The following MAPK4 variants were observed in gnomAD, a reference collection of about 807,000 sequenced individuals.
MAPK4 encodes mitogen-activated protein kinase 4, also known as Erk3-related.
A neutral mutation model predicts 47.7 loss-of-function variants in MAPK4; 22 were observed. The ratio of observed to expected loss-of-function variants is 0.46; its 90% CI spans 0.33 to 0.66. The LOEUF is 0.66. MAPK4 is among the 30% of genes least tolerant of loss of function. The pLI, the probability that MAPK4 is intolerant of heterozygous loss-of-function variation, is 0.02. For synonymous variants in MAPK4, 390 were observed against 365.7 expected (o/e 1.07, Z -0.76); for missense variants, 736 against 831.7 (o/e 0.88, Z 1.42).
intron 1 of MAPK4, among the ~76,000 whole-genome samples, chr18:50,568,829 C>G (rs2042225221): frequency 6.6e-6 from 1 of 152,212 alleles, no homozygotes; most frequent in Non-Finnish European, 1.5e-5. Context: ...TCAGCTGTAT[C>G]TAATCTGTGG....
At chr18:50,696,791 A>T (rs1035735115) in intron 2 of MAPK4, among the ~76,000 whole-genome samples, 1 of 152,256 alleles carries the variant, frequency 6.6e-6, no homozygotes, top group African/African-American at 2.4e-5. Flanking sequence ...TGATGGCAGC[A>T]CACACCAACA....
Position 50,725,851 on chromosome 18 carries a change from A to G in MAPK4, c.854-111A>G, listed in dbSNP as rs536566968. 1.2e-5 allele frequency: 11 copies of G among 917,070 alleles called. 1 individual carries two copies. In the South Asian group the frequency reaches 1.6e-4, roughly 13 times the overall value. The allele number at this position is 917,070 out of a possible 1,614,324, so 56.8% of individuals were successfully genotyped here. ...AAAGAAAATGGCTAAAAACCTTTTA[A>G]CAAATGCAGAAGCACAGACACCAGC... On this transcript the variant is annotated intron_variant, in intron 4 of 5. Coordinates refer to ENST00000400384, the MANE Select transcript of MAPK4 (RefSeq NM_002747.4).
chr18:50,559,804 G>A (rs1172597414), upstream of MAPK4, among the ~76,000 whole-genome samples: 1 of 151,884 alleles, frequency 6.6e-6, no homozygotes, highest in Non-Finnish European at 1.5e-5. Context: ...CGTGTGCCCC[G>A]GGAAGGCCAG....
intron 2 of MAPK4, among the ~76,000 whole-genome samples, chr18:50,679,616 G>A (rs1353593344): frequency 6.6e-6 from 1 of 151,892 alleles, no homozygotes; most frequent in East Asian, 1.9e-4. Context: ...ACAGAGCTGG[G>A]ACAAGATCTG....
At chr18:50,599,443 C>CGG (rs1455927772) in intron 1 of MAPK4, among the ~76,000 whole-genome samples, 5 of 152,030 alleles carry the variant, frequency 3.3e-5, no homozygotes, top group African/African-American at 1.2e-4. Flanking sequence ...TATTTTGAGA[C>CGG]GGAGTCCCGC....
Position 50,721,790 on chromosome 18 carries a change from G to A in MAPK4, c.692-148G>A. On this transcript the variant is annotated intron_variant, in intron 3 of 5. Transcript: ENST00000400384. ...TCAGCCACCTGCCCACAGTTGAGCAGCAAATGAAGACCAGAACCCCGGTCC... is the reference window on the plus strand; with the variant it reads ...TCAGCCACCTGCCCACAGTTGAGCAACAAATGAAGACCAGAACCCCGGTCC... 13 of 683,920 alleles carry A rather than the reference G, an allele frequency of 1.9e-5. 1 individual carries two copies. In the South Asian group the frequency reaches 2.6e-4, roughly 14 times the overall value. The allele number at this position is 683,920 out of a possible 1,614,324, so 42.4% of individuals were successfully genotyped here.
chr18:50,632,227 G>A (rs148309784), intron 1 of MAPK4, among the ~76,000 whole-genome samples: 30 of 152,284 alleles, frequency 2.0e-4, no homozygotes, highest in Non-Finnish European at 4.0e-4. Flanking sequence ...CAAAAGCCAC[G>A]TATTTCTCTC....
At chr18:50,657,694 A>T (rs2043124876) in intron 1 of MAPK4, among the ~76,000 whole-genome samples, 1 of 151,144 alleles carries the variant, frequency 6.6e-6, no homozygotes, top group Admixed American at 6.6e-5. Context: ...ACACTTTCAG[A>T]TGTCACAGCT....
chr18:50,728,816 A>G (rs777132489), intron 5 of MAPK4, among the ~76,000 whole-genome samples: 47 of 152,344 alleles, frequency 3.1e-4, no homozygotes, highest in Middle Eastern at 3.4e-3. Flanking sequence ...AGCATTGCAC[A>G]GGTGGATCCC....
chr18:50,698,938 T>C (rs1909643970), intron 2 of MAPK4, among the ~76,000 whole-genome samples: 1 of 151,922 alleles, frequency 6.6e-6, no homozygotes, highest in African/African-American at 2.4e-5. Flanking sequence ...GGCAGGAGAA[T>C]CACTTGAACC....
chr18:50,623,768 A>G (rs1431242070), intron 1 of MAPK4, among the ~76,000 whole-genome samples: 1 of 152,246 alleles, frequency 6.6e-6, no homozygotes, highest in Non-Finnish European at 1.5e-5. Flanking sequence ...TGCACTTGGG[A>G]TAAAGTCAAA....
intron 1 of MAPK4, 35 bp downstream of exon 1, chr18:50,560,278 G>T (rs576183178): frequency 1.3e-5 from 2 of 152,094 alleles, no homozygotes; most frequent in Non-Finnish European, 2.9e-5. Flanking sequence ...TTCTCCTCCC[G>T]CCGCCTGCGC....
chr18:50,703,937 G>A (rs1192414314), intron 2 of MAPK4, among the ~76,000 whole-genome samples: 1 of 152,182 alleles, frequency 6.6e-6, no homozygotes, highest in East Asian at 1.9e-4. Flanking sequence ...CACCCAGACA[G>A]GCAGGTGGTC....
intron 2 of MAPK4, among the ~76,000 whole-genome samples, chr18:50,686,114 G>A (rs779004159): frequency 7.2e-5 from 11 of 152,104 alleles, no homozygotes; most frequent in Non-Finnish European, 1.2e-4. Flanking sequence ...AATAAGCCTC[G>A]TTAGGAGTCG....
intron 1 of MAPK4, among the ~76,000 whole-genome samples, chr18:50,633,673 G>C (rs532751174): frequency 7.2e-5 from 11 of 152,146 alleles, no homozygotes; most frequent in South Asian, 2.1e-4. Context: ...GCTTTGCACT[G>C]CCTAAGGGAT....
At chr18:50,561,495 T>G (rs1464430054) in intron 1 of MAPK4, among the ~76,000 whole-genome samples, 1 of 152,238 alleles carries the variant, frequency 6.6e-6, no homozygotes, top group Non-Finnish European at 1.5e-5. Flanking sequence ...AGATATTTAT[T>G]GAGTACCTAC....
intron 2 of MAPK4, among the ~76,000 whole-genome samples, chr18:50,695,277 C>T (rs1271047182): frequency 2.2e-5 from 3 of 137,508 alleles, no homozygotes; most frequent in Admixed American, 8.2e-5. Context: ...ACCCGGGAGG[C>T]GGAGGTTACA....
chr18:50,600,647 T>A (rs542400897), intron 1 of MAPK4, among the ~76,000 whole-genome samples: 1 of 152,302 alleles, frequency 6.6e-6, no homozygotes, highest in South Asian at 2.1e-4. Flanking sequence ...GGCTTCCCAT[T>A]TGTGAAACTG....
chr18:50,578,717 C>T (rs2042318541), intron 1 of MAPK4, among the ~76,000 whole-genome samples: 2 of 152,078 alleles, frequency 1.3e-5, no homozygotes, highest in Admixed American at 1.3e-4. Context: ...GAGGAAGAGC[C>T]GTTACTACAT....
Sources: gnomAD v4.1 joint callset for allele counts (sites outside exome capture counted in the v4.1 genomes callset) on GRCh38, gnomAD v4.1.1 for gene constraint, MANE v1.5 for transcripts, NCBI Gene and HGNC (gene_info 2026-07-23, HGNC 2026-07-21) for gene names.